Variants in CPNE3 observed in about 807,000 individuals in gnomAD.
The protein encoded by CPNE3 is copine-3.
A neutral mutation model predicts 63.9 loss-of-function variants in CPNE3; 68 were observed. The observed-to-expected ratio is 1.06, with a 90% confidence interval of 0.87 to 1.30. The LOEUF is 1.30. Ranked by LOEUF, CPNE3 falls within the 50% of genes most tolerant of loss-of-function variation. The pLI is 0.00. For missense variants in CPNE3, 665 were observed against 578.1 expected, an observed-to-expected ratio of 1.15 and a Z score of -1.54; for synonymous variants, 219 against 197.5, an observed-to-expected ratio of 1.11 and a Z score of -0.91.
intron 4 of CPNE3, among the ~76,000 whole-genome samples, chr8:86,530,064 ATG>A (rs1820636815): frequency 6.6e-6 from 1 of 152,074 alleles, no homozygotes; most frequent in Non-Finnish European, 1.5e-5. Context: ...GATACATCAG[ATG>A]TATATCTGTT....
intron 2 of CPNE3, among the ~76,000 whole-genome samples, chr8:86,518,160 A>G (rs1434445103): frequency 6.6e-6 from 1 of 152,218 alleles, no homozygotes; most frequent in Non-Finnish European, 1.5e-5. Flanking sequence ...TGAAGTGCCC[A>G]TCTTGCCCAA....
intron 6 of CPNE3, among the ~76,000 whole-genome samples, chr8:86,534,039 T>C (rs1446091798): frequency 6.6e-6 from 1 of 151,918 alleles, no homozygotes; most frequent in Non-Finnish European, 1.5e-5. Flanking sequence ...GGCAGGAAGA[T>C]GGCTTGATCC....
intron 7 of CPNE3, among the ~76,000 whole-genome samples, chr8:86,539,865 A>G (rs1339551594): frequency 6.6e-6 from 1 of 151,884 alleles, no homozygotes; most frequent in Non-Finnish European, 1.5e-5. Flanking sequence ...GGTTTTCACC[A>G]TGTTGGCCAG....
Position 86,531,240 on chromosome 8 carries a change from G to A in CPNE3, c.387+11G>A. ...AAAGGGAGCATTACGGTAAAAATAAGATATTTGTCTTTTGTCTCAAAAGAT... is the reference window on the plus strand; with the variant it reads ...AAAGGGAGCATTACGGTAAAAATAAAATATTTGTCTTTTGTCTCAAAAGAT... On this transcript the variant is annotated intron_variant, in intron 5 of 16. Coordinates refer to ENST00000517490, the MANE Select transcript of CPNE3 (RefSeq NM_003909.5). The A allele has an allele frequency of 9.4e-7, 1 of 1,061,678 alleles. No homozygotes were observed. The highest frequency in any genetic ancestry group is 1.2e-5 in the South Asian group (1 of 80,166). The allele number at this position is 1,061,678 out of a possible 1,614,324, so 65.8% of individuals were successfully genotyped here.
chr8:86,524,276 A>G (rs1820493324), intron 2 of CPNE3, among the ~76,000 whole-genome samples: 1 of 152,228 alleles, frequency 6.6e-6, no homozygotes, highest in African/African-American at 2.4e-5. Flanking sequence ...ATTTTCAGCC[A>G]GGGCATGGGA....
intron 4 of CPNE3, among the ~76,000 whole-genome samples, chr8:86,530,097 A>G (rs1457825656): frequency 6.6e-6 from 1 of 151,932 alleles, no homozygotes; most frequent in Non-Finnish European, 1.5e-5. Flanking sequence ...TAAGTATACT[A>G]TATTCCTTAA....
intron 2 of CPNE3, among the ~76,000 whole-genome samples, chr8:86,526,501 T>C (rs1426152269): frequency 6.9e-6 from 1 of 144,286 alleles, no homozygotes; most frequent in African/African-American, 2.9e-5. Flanking sequence ...AAGATACATA[T>C]TTTTTGTTTG....
chr8:86,545,305 G>A (rs943168435), intron 9 of CPNE3: 1 of 152,472 alleles, frequency 6.6e-6, no homozygotes, highest in Non-Finnish European at 1.5e-5. Flanking sequence ...TGGCCCCAGT[G>A]TGCTTATCTA....
At chr8:86,540,118 A>G (rs1191975279) in intron 7 of CPNE3, 127 bp from the exon 8 acceptor site, 1 of 644,922 alleles carries the variant, frequency 1.6e-6, no homozygotes, top group Non-Finnish European at 2.8e-6. Flanking sequence ...TTTTGTGGAA[A>G]TAGTTGAGTT....
rs190512351 is a variant in CPNE3, at chr8:86,551,946, G to A, written c.1120+712G>A. ...CTCCCAAAGTACTGGGATTAGAGGCGTGAGCCACCATGCCCAGCCACGTTT... is the reference window on the plus strand; with the variant it reads ...CTCCCAAAGTACTGGGATTAGAGGCATGAGCCACCATGCCCAGCCACGTTT... On this transcript the variant is annotated intron_variant, in intron 14 of 16. Transcript: ENST00000517490. 1.2e-3 allele frequency among the ~76,000 whole-genome samples: 186 copies of A among 152,320 alleles called. 1 individual carries two copies. The highest frequency in any genetic ancestry group is 5.2e-3 in the South Asian group (25 of 4,828).
At chr8:86,548,526 G>T in intron 12 of CPNE3, 92 bp downstream of exon 12, 1 of 1,488,540 alleles carries the variant, frequency 6.7e-7, no homozygotes, top group South Asian at 1.3e-5. Context: ...TGATATAGGT[G>T]GTAGGTTGAT....
At chr8:86,551,864 G>T (rs932462584) in intron 14 of CPNE3, among the ~76,000 whole-genome samples, 1 of 152,132 alleles carries the variant, frequency 6.6e-6, no homozygotes, top group African/African-American at 2.4e-5. Flanking sequence ...TCGCTATGTT[G>T]GCCAGGCTGG....
Position 86,547,834 on chromosome 8 carries a change from C to T in CPNE3, c.879+64C>T. On this transcript the variant is annotated intron_variant, in intron 11 of 16. Transcript: ENST00000517490. Reference sequence around the variant, plus strand: ...CTCCATGTTGCAGTATATTTTCTTTCACTGCAAAACTGACTTTGTAATGAA... The same window carrying T: ...CTCCATGTTGCAGTATATTTTCTTTTACTGCAAAACTGACTTTGTAATGAA... The T allele has an allele frequency of 7.6e-6, 6 of 793,864 alleles. No homozygotes were observed. The South Asian group carries it at 9.0e-5, about 12-fold the overall frequency. 49.2% of individuals were successfully genotyped at this position (793,864 alleles called of 1,614,324 possible).
intron 6 of CPNE3, among the ~76,000 whole-genome samples, chr8:86,536,817 T>C (rs1820812763): frequency 6.6e-6 from 1 of 152,330 alleles, no homozygotes; most frequent in South Asian, 2.1e-4. Context: ...GAGTGATTCG[T>C]ACATTTTTCC....
rs983743852 is a variant in CPNE3, at chr8:86,528,962, G to A, written c.150G>A (p.Arg50=). ...GGGTGTAGGTTGAGCGCACAGAAAG[G>A]ATTAAGAATTGCTTGAATCCCCAAT... The part of the protein sequence containing the change: ...QQWYEVERTE[R]IKNCLNPQFS... Residue 50 remains arginine (R), a synonymous_variant, in exon 4 of 17, where the codon AGG becomes AGA. Transcript: ENST00000517490. 12 of 1,613,128 alleles carry A rather than the reference G, an allele frequency of 7.4e-6. No individual in the cohort carries two copies. The highest frequency in any genetic ancestry group is 1.0e-5 in the Non-Finnish European group (12 of 1,179,852).
intron 7 of CPNE3, among the ~76,000 whole-genome samples, chr8:86,539,009 G>A (rs1188070775): frequency 6.6e-6 from 1 of 152,128 alleles, no homozygotes; most frequent in Non-Finnish European, 1.5e-5. Context: ...TGTATTATGG[G>A]TAGTAAAATA....
chr8:86,552,961 C>CGT (rs1177693120), intron 14 of CPNE3, among the ~76,000 whole-genome samples: 1 of 13,184 alleles, frequency 7.6e-5, no homozygotes, highest in African/African-American at 1.4e-4. Flanking sequence ...TGCCACAGCC[C>CGT]GCCCCCCCCC....
At chr8:86,529,608 G>C (rs1042589602) in intron 4 of CPNE3, among the ~76,000 whole-genome samples, 1 of 152,134 alleles carries the variant, frequency 6.6e-6, no homozygotes, top group African/African-American at 2.4e-5. Flanking sequence ...ATCCTTTCCT[G>C]AGCTCACTTG....
chr8:86,537,215 A>C (rs67671364), intron 6 of CPNE3, among the ~76,000 whole-genome samples: 4 of 152,194 alleles, frequency 2.6e-5, no homozygotes, highest in African/African-American at 9.6e-5. Flanking sequence ...GATATCATTT[A>C]TATAAAACTA....
Sources: allele counts gnomAD v4.1 joint callset (sites outside exome capture counted in the v4.1 genomes callset), GRCh38; gene constraint gnomAD v4.1.1; transcripts MANE v1.5; gene names NCBI Gene and HGNC (gene_info 2026-07-23, HGNC 2026-07-21).